CYP7B1: variants seen among roughly 807,000 people sequenced by gnomAD.
The protein encoded by CYP7B1 is cytochrome P450 family 7 subfamily B member 1, also known as cytochrome P450 7B1.
Under a neutral mutation model 42.7 loss-of-function variants are expected in CYP7B1, and 29 were observed. That is an observed-to-expected ratio of 0.68 (90% CI 0.51 to 0.93). The LOEUF is 0.93. CYP7B1 is among the 40% of genes least tolerant of loss of function. CYP7B1 has a pLI of 0.00. For synonymous variants in CYP7B1, 235 were observed against 218.2 expected, an observed-to-expected ratio of 1.08 and a Z score of -0.68; for missense variants, 655 against 600.5, an observed-to-expected ratio of 1.09 and a Z score of -0.95.
intron 4 of CYP7B1, among the ~76,000 whole-genome samples, chr8:64,608,241 TTC>T (rs1191565253): frequency 6.6e-6 from 1 of 152,236 alleles, no homozygotes; most frequent in Non-Finnish European, 1.5e-5. Flanking sequence ...CATGCACATA[TTC>T]TCTTTTGCTC....
At chr8:64,794,143 G>T (rs1276786268) in intron 1 of CYP7B1, among the ~76,000 whole-genome samples, 2 of 152,178 alleles carry the variant, frequency 1.3e-5, no homozygotes, top group Non-Finnish European at 2.9e-5. Flanking sequence ...TCAGCATGGG[G>T]TGTCAGAGTT....
At chr8:64,747,612 T>C (rs1223786404) in intron 1 of CYP7B1, among the ~76,000 whole-genome samples, 2 of 151,764 alleles carry the variant, frequency 1.3e-5, no homozygotes, top group Non-Finnish European at 2.9e-5. Flanking sequence ...GTGGCAGAAG[T>C]AGAAGAAAAT....
intron 1 of CYP7B1, among the ~76,000 whole-genome samples, chr8:64,714,893 C>T (rs1417394348): frequency 1.3e-5 from 2 of 152,124 alleles, no homozygotes; most frequent in Non-Finnish European, 2.9e-5. Flanking sequence ...AAGATGTATA[C>T]TCCTTTCTCC....
At chr8:64,740,625 A>C (rs1220215005) in intron 1 of CYP7B1, among the ~76,000 whole-genome samples, 3 of 151,866 alleles carry the variant, frequency 2.0e-5, no homozygotes, top group Non-Finnish European at 4.4e-5. Flanking sequence ...GAAAAAAAAA[A>C]CAGAGAAGAT....
At chr8:64,793,964 A>G (rs1804663023) in intron 1 of CYP7B1, among the ~76,000 whole-genome samples, 1 of 58,828 alleles carries the variant, frequency 1.7e-5, no homozygotes, top group African/African-American at 3.1e-5. Flanking sequence ...AATACGAAAC[A>G]AAAAAAAAAA....
intron 1 of CYP7B1, among the ~76,000 whole-genome samples, chr8:64,634,522 T>C (rs1470254400): frequency 6.7e-6 from 1 of 148,756 alleles, no homozygotes; most frequent in Non-Finnish European, 1.5e-5. Flanking sequence ...GAGGTTCCAG[T>C]GAACCGAGAT....
chr8:64,711,258 T>G (rs1807075168), intron 1 of CYP7B1, among the ~76,000 whole-genome samples: 1 of 152,180 alleles, frequency 6.6e-6, no homozygotes, highest in Non-Finnish European at 1.5e-5. Context: ...ACTTCTAGAC[T>G]AGCAGAATCA....
At chr8:64,604,311 A>T (rs1022434510) in intron 5 of CYP7B1, among the ~76,000 whole-genome samples, 4 of 152,332 alleles carry the variant, frequency 2.6e-5, no homozygotes, top group Admixed American at 1.3e-4. Flanking sequence ...CAAAATAGTT[A>T]TCATCATTTA....
chr8:64,758,536 T>A (rs967790357), intron 1 of CYP7B1, among the ~76,000 whole-genome samples: 1 of 151,928 alleles, frequency 6.6e-6, no homozygotes, highest in Non-Finnish European at 1.5e-5. Flanking sequence ...TTAATATTAT[T>A]TAAATTTATT....
At position 64,706,198 on chromosome 8, in the gene CYP7B1, C is replaced by T. The variant is rs138106054; in HGVS notation, c.123-81659G>A. ...GAATTGACTTTGAGATAAAAGGATA[C>T]CTCTAAACTTGATCCTAATGCAAGG... On this transcript the variant is annotated intron_variant, in intron 1 of 5. Coordinates refer to ENST00000310193, the MANE Select transcript of CYP7B1 (RefSeq NM_004820.5). Among the ~76,000 whole-genome samples, 22 of 152,032 alleles carry T rather than the reference C, an allele frequency of 1.4e-4. No individual in the cohort carries two copies. The East Asian group carries it at 2.7e-3, about 19-fold the overall frequency.
chr8:64,732,133 G>A (rs1238539199), intron 1 of CYP7B1, among the ~76,000 whole-genome samples: 3 of 152,144 alleles, frequency 2.0e-5, no homozygotes, highest in Admixed American at 6.6e-5. Context: ...TACTGTCCTC[G>A]AGAACCTAGC....
intron 1 of CYP7B1, among the ~76,000 whole-genome samples, chr8:64,771,047 C>CTTTTTTTTTTTGTTTTTTTTTTTTTT (rs1804214537): frequency 2.4e-5 from 1 of 42,486 alleles, no homozygotes; most frequent in African/African-American, 8.3e-5. Flanking sequence ...ATATCAGCAT[C>CTTTTTTTTTTTGTTTTTTTTTTTTTT]TTTTTTTTTT....
intron 2 of CYP7B1, among the ~76,000 whole-genome samples, chr8:64,622,122 C>T (rs1460966597): frequency 6.6e-6 from 1 of 152,140 alleles, no homozygotes; most frequent in Non-Finnish European, 1.5e-5. Flanking sequence ...CATTAAAATA[C>T]ATTATTTGAA....
In CYP7B1 at chr8:64,594,613, G is replaced by C. The variant is rs921411090; in HGVS notation, c.*2029C>G. ...CCTTATTAGAACCAATTATAATTGT[G>C]TATCATGAACTAAAGAGTGTAAGGA... On this transcript the variant is annotated 3_prime_UTR_variant, in exon 6 of 6. Transcript: ENST00000310193. 1.3e-5 allele frequency among the ~76,000 whole-genome samples: 2 copies of C among 152,118 alleles called. No homozygotes were observed. Among genetic ancestry groups the C allele is most frequent in the African/African-American group, 4.8e-5 (2 of 41,424 alleles).
At chr8:64,785,911 A>G (rs1290066267) in intron 1 of CYP7B1, among the ~76,000 whole-genome samples, 1 of 152,218 alleles carries the variant, frequency 6.6e-6, no homozygotes, top group Non-Finnish European at 1.5e-5. Flanking sequence ...CATGATGGAA[A>G]GGGAAACAAA....
intron 1 of CYP7B1, among the ~76,000 whole-genome samples, chr8:64,657,892 T>C (rs1806144830): frequency 6.6e-6 from 1 of 152,136 alleles, no homozygotes; most frequent in Non-Finnish European, 1.5e-5. Context: ...AATACAAAAA[T>C]GGTGATTTAC....
chr8:64,654,542 A>G (rs1806091843), intron 1 of CYP7B1, among the ~76,000 whole-genome samples: 1 of 152,236 alleles, frequency 6.6e-6, no homozygotes, highest in Non-Finnish European at 1.5e-5. Flanking sequence ...AAATGGAAAA[A>G]CATCCCATGC....
At chr8:64,770,550 T>G (rs567942404) in intron 1 of CYP7B1, among the ~76,000 whole-genome samples, 15 of 152,200 alleles carry the variant, frequency 9.9e-5, no homozygotes, top group Non-Finnish European at 2.1e-4. Flanking sequence ...AATAAAGTAT[T>G]CATCTACCAT....
chr8:64,755,224 CA>C (rs1033700057), intron 1 of CYP7B1, among the ~76,000 whole-genome samples: 13 of 152,066 alleles, frequency 8.5e-5, no homozygotes, highest in African/African-American at 2.7e-4. Flanking sequence ...TTGCAGAGGT[CA>C]GGGGAAACCA....
Sources: allele counts gnomAD v4.1 joint callset (sites outside exome capture counted in the v4.1 genomes callset), GRCh38; gene constraint gnomAD v4.1.1; transcripts MANE v1.5; gene names NCBI Gene and HGNC (gene_info 2026-07-23, HGNC 2026-07-21).